The following THOC2 variants were observed in gnomAD, a reference collection of about 807,000 sequenced individuals.
THOC2 encodes THO complex subunit 2.
Under a neutral mutation model 128.4 loss-of-function variants are expected in THOC2, and 10 were observed. That is an observed-to-expected ratio of 0.08 (90% confidence interval 0.05 to 0.13). The LOEUF is 0.13. Ranked by LOEUF, THOC2 falls within the 10% of genes least tolerant of loss-of-function variation. The pLI, the probability that THOC2 is intolerant of heterozygous loss-of-function variation, is 1.00. For synonymous variants in THOC2, 393 were observed against 396.9 expected, an observed-to-expected ratio of 0.99 and a Z score of 0.12; for missense variants, 535 against 1,155.7, an observed-to-expected ratio of 0.46 and a Z score of 7.79.
chrX:123,617,178 C>T (rs761353345), intron 33 of THOC2, among the ~76,000 whole-genome samples: 11 of 110,864 alleles, frequency 9.9e-5, no homozygotes, highest in African/African-American at 3.3e-4. Context: ...CAAACCAGTA[C>T]TTTGCATGCT....
chrX:123,602,433 G>A (rs73231115), intron 38 of THOC2: 1,637 of 112,346 alleles, frequency 0.015, 13 homozygotes, highest in Non-Finnish European at 0.024. Context: ...CCACAACATG[G>A]ATGAGCCTTG....
chrX:123,719,961 A>G (rs1399855730), intron 1 of THOC2, among the ~76,000 whole-genome samples: 1 of 109,726 alleles, frequency 9.1e-6, no homozygotes, highest in African/African-American at 3.3e-5. Context: ...AAGCCTGGGT[A>G]ACAAAGAGAC....
At chrX:123,620,736 A>C in intron 32 of THOC2, 171 bp downstream of exon 32, 1 of 411,084 alleles carries the variant, frequency 2.4e-6, no homozygotes, top group Non-Finnish European at 4.2e-6. Context: ...AAAAATACTC[A>C]ATAGGAAAAA....
intron 1 of THOC2, among the ~76,000 whole-genome samples, chrX:123,718,745 C>T (rs1429657385): frequency 3.7e-5 from 4 of 107,301 alleles, no homozygotes; most frequent in Non-Finnish European, 7.7e-5. Context: ...GGCAACAGAG[C>T]GAGACTCTGT....
chrX:123,619,514 T>C lies in THOC2; in HGVS notation c.4276-78A>G, dbSNP rs758227975. 15 of 1,141,090 alleles carry C rather than the reference T, an allele frequency of 1.3e-5. No homozygotes were observed. The African/African-American group carries it at 2.7e-4, about 21-fold the overall frequency. 94.0% of individuals were successfully genotyped at this position (1,141,090 alleles called of 1,213,427 possible). On this transcript the variant is annotated intron_variant, in intron 32 of 38. Transcript: ENST00000245838. ...AGAGGAACTTTGGGAAGTATGGCTG[T>C]AACCTGGAAATAAACCAGCTACTTC...
intron 38 of THOC2, among the ~76,000 whole-genome samples, chrX:123,604,873 G>C (rs2046410915): frequency 8.9e-6 from 1 of 111,967 alleles, no homozygotes; most frequent in African/African-American, 3.2e-5. Context: ...ACTAGTGTCT[G>C]AAACTGTCAG....
rs1603308941 is a variant in THOC2, at chrX:123,697,226, A to G, written c.346-384T>C. 2.7e-5 allele frequency among the ~76,000 whole-genome samples: 3 copies of G among 112,028 alleles called. No individual in the cohort carries two copies. In the South Asian group the frequency reaches 1.1e-3, roughly 42 times the overall value. On this transcript the variant is annotated intron_variant, in intron 5 of 38. Transcript: ENST00000245838. Reference sequence around the variant, plus strand: ...GACAAGCACCTTCTTCCAGGTCTCAACCACGGCAGTTCTCCCTGGTTCTAA... The same window carrying G: ...GACAAGCACCTTCTTCCAGGTCTCAGCCACGGCAGTTCTCCCTGGTTCTAA...
At chrX:123,706,107 G>A (rs757682031) in intron 3 of THOC2, among the ~76,000 whole-genome samples, 5 of 110,789 alleles carry the variant, frequency 4.5e-5, no homozygotes, top group Non-Finnish European at 9.5e-5. Flanking sequence ...ATAAATGAAG[G>A]AGTGAAACAG....
chrX:123,644,452 T>G, intron 15 of THOC2, 123 bp downstream of exon 15: 1 of 419,569 alleles, frequency 2.4e-6, no homozygotes, highest in Non-Finnish European at 4.0e-6. Flanking sequence ...AGTATATAAA[T>G]CAGCTATACC....
chrX:123,631,630 A>T, intron 22 of THOC2, 58 bp downstream of exon 22: 1 of 1,147,236 alleles, frequency 8.7e-7, no homozygotes, highest in Non-Finnish European at 1.2e-6. Context: ...TTACAGATAA[A>T]ACCGTTAAGA....
chrX:123,692,784 C>G (rs5956569), intron 7 of THOC2, among the ~76,000 whole-genome samples: 46,886 of 109,877 alleles, frequency 0.43, 8,352 homozygotes, highest in East Asian at 0.68. Context: ...TTACAAGCTT[C>G]AGCCACCGCA....
intron 13 of THOC2, 148 bp from the exon 14 acceptor site, chrX:123,645,057 A>C: frequency 3.8e-6 from 2 of 526,083 alleles, no homozygotes; most frequent in Non-Finnish European, 5.9e-6. Context: ...CACAAAGCTT[A>C]TTTATGTTTC....
In THOC2 at chrX:123,697,239, T is replaced by C. The variant is rs1365682883; in HGVS notation, c.346-397A>G. ...TTCCAGGTCTCAACCACGGCAGTTC[T>C]CCCTGGTTCTAAATTTATGAACACA... On this transcript the variant is annotated intron_variant, in intron 5 of 38. Transcript: ENST00000245838. Among the ~76,000 whole-genome samples, 8 of 111,934 alleles carry C rather than the reference T, an allele frequency of 7.1e-5. No individual in the cohort carries two copies. In the Admixed American group the frequency reaches 7.6e-4, roughly 11 times the overall value.
At chrX:123,621,033 C>T (rs1005110291) in intron 31 of THOC2, 68 bp from the exon 32 acceptor site, 13 of 1,169,251 alleles carry the variant, frequency 1.1e-5, no homozygotes, top group Admixed American at 4.6e-5. Context: ...TAAAAAAAAA[C>T]ACCAACTTGT....
intron 8 of THOC2, among the ~76,000 whole-genome samples, chrX:123,685,977 C>T (rs185769828): frequency 3.9e-4 from 43 of 111,190 alleles, no homozygotes; most frequent in South Asian, 1.5e-3. Flanking sequence ...AGGTTCACTT[C>T]GGACCAGGAG....
Position 123,621,562 on chromosome X carries a change from T to G in THOC2, c.3811A>C (p.Lys1271Gln). Residue 1271 changes from lysine (K) to glutamine (Q), a missense_variant, in exon 31 of 39, where the codon AAA (lysine) becomes CAA (glutamine). Coordinates refer to ENST00000245838, the MANE Select transcript of THOC2 (RefSeq NM_001081550.2). Reference sequence around the variant, plus strand: ...TTTTCTTTCTCTTTCCCTTTTTCTTTGTCATTTTCTTTAACAGCTTTGTTG... The same window carrying G: ...TTTTCTTTCTCTTTCCCTTTTTCTTGGTCATTTTCTTTAACAGCTTTGTTG... The part of the protein sequence containing the change: ...NSNKAVKEND[K>Q]EKGKEKEKEK... The G allele has an allele frequency of 2.6e-6, 3 of 1,151,902 alleles. No homozygotes were observed. Among genetic ancestry groups the G allele is most frequent in the Non-Finnish European group, 3.5e-6 (3 of 864,650 alleles). 94.9% of individuals were successfully genotyped at this position (1,151,902 alleles called of 1,213,427 possible).
chrX:123,611,530 T>C lies in THOC2; in HGVS notation c.4678-14A>G, dbSNP rs1331336847. The C allele has an allele frequency of 3.7e-6, 4 of 1,070,423 alleles. No homozygotes were observed. The highest frequency in any genetic ancestry group is 2.3e-5 in the Admixed American group (1 of 43,870). The allele number at this position is 1,070,423 out of a possible 1,213,427, so 88.2% of individuals were successfully genotyped here. ...ATGCCTGGACTCCTATAAGAAATAGTAGAATTAGCTGGGGAAGGGAAAGCC... is the reference window on the plus strand; with the variant it reads ...ATGCCTGGACTCCTATAAGAAATAGCAGAATTAGCTGGGGAAGGGAAAGCC... On this transcript the variant is annotated splice_polypyrimidine_tract_variant and intron_variant, in intron 36 of 38. Coordinates refer to ENST00000245838, the MANE Select transcript of THOC2 (RefSeq NM_001081550.2).
At chrX:123,731,765 G>A (rs915995684) in intron 1 of THOC2, among the ~76,000 whole-genome samples, 1 of 111,214 alleles carries the variant, frequency 9.0e-6, no homozygotes. Context: ...GGGGGAGGAA[G>A]CCACATAGGC....
At chrX:123,698,413 G>T (rs1268853852) in intron 4 of THOC2, among the ~76,000 whole-genome samples, 1 of 100,018 alleles carries the variant, frequency 1.0e-5, no homozygotes, top group South Asian at 4.9e-4. Context: ...AGCCGAGATC[G>T]TGCCACTGCA....
Sources: allele counts gnomAD v4.1 joint callset (sites outside exome capture counted in the v4.1 genomes callset), GRCh38; gene constraint gnomAD v4.1.1; transcripts MANE v1.5; gene names NCBI Gene and HGNC (gene_info 2026-07-23, HGNC 2026-07-21).